Variants in SGIP1 observed in about 807,000 individuals in gnomAD.
SGIP1 encodes SH3GL interacting endocytic adaptor 1.
Under a neutral mutation model 107.5 loss-of-function variants are expected in SGIP1, and 38 were observed. The observed-to-expected ratio is 0.35, with a 90% confidence interval of 0.27 to 0.46. SGIP1 has a LOEUF of 0.46. Ranked by LOEUF, SGIP1 falls within the 20% of genes least tolerant of loss-of-function variation. The probability of loss-of-function intolerance (pLI) is 1.00; values close to 1 mark genes in which losing one functional copy is unlikely to be tolerated. For synonymous variants in SGIP1, 365 were observed against 366.1 expected (o/e 1.00, Z 0.03); for missense variants, 929 against 1,019.5 (o/e 0.91, Z 1.21).
At chr1:66,726,194 G>T (rs1481024336) in intron 19 of SGIP1, among the ~76,000 whole-genome samples, 1 of 152,192 alleles carries the variant, frequency 6.6e-6, no homozygotes, top group Non-Finnish European at 1.5e-5. Context: ...AAGCAGGCTG[G>T]AAGGGTGAAG....
intron 2 of SGIP1, 68 bp from the exon 3 acceptor site, chr1:66,633,002 T>C: frequency 2.0e-6 from 2 of 992,388 alleles, no homozygotes; most frequent in East Asian, 2.4e-5. Context: ...GTTCTTACTG[T>C]TGTACTTTAG....
chr1:66,723,826 G>T (rs2093643965), intron 19 of SGIP1, among the ~76,000 whole-genome samples: 1 of 152,136 alleles, frequency 6.6e-6, no homozygotes, highest in Non-Finnish European at 1.5e-5. Context: ...CCCAGAACTT[G>T]TCTTCACAAT....
At chr1:66,656,791 C>T (rs749976273) in intron 7 of SGIP1, among the ~76,000 whole-genome samples, 10 of 152,046 alleles carry the variant, frequency 6.6e-5, no homozygotes, top group South Asian at 4.1e-4. Context: ...ATGAATAATC[C>T]TTTTGCTCCT....
At chr1:66,533,533 A>ATAAT (rs140788553), upstream of SGIP1, 23,076 of 151,910 alleles carry the variant, frequency 0.15, 1,926 homozygotes, top group East Asian at 0.34. Flanking sequence ...CCTTTTGGGG[A>ATAAT]TGTTTATGAT....
intron 7 of SGIP1, among the ~76,000 whole-genome samples, chr1:66,649,667 T>C (rs1485235259): frequency 6.6e-6 from 1 of 152,150 alleles, no homozygotes; most frequent in East Asian, 1.9e-4. Context: ...AAAATAATTT[T>C]TGAAGGAGGC....
At chr1:66,646,651 G>A (rs1429286812) in intron 7 of SGIP1, among the ~76,000 whole-genome samples, 1 of 152,130 alleles carries the variant, frequency 6.6e-6, no homozygotes, top group East Asian at 1.9e-4. Context: ...GAAATGAAAT[G>A]GGAGGAATGA....
chr1:66,594,990 T>A (rs1026315481), intron 1 of SGIP1, among the ~76,000 whole-genome samples: 2 of 152,178 alleles, frequency 1.3e-5, no homozygotes, highest in African/African-American at 4.8e-5. Flanking sequence ...GGAGTCAGAC[T>A]AAAATGGAAT....
intron 1 of SGIP1, among the ~76,000 whole-genome samples, chr1:66,611,890 G>A (rs927010393): frequency 6.6e-6 from 1 of 152,204 alleles, no homozygotes; most frequent in African/African-American, 2.4e-5. Flanking sequence ...CATGCCTCAT[G>A]TGAACACTAG....
At chr1:66,632,317 A>C (rs748740758) in intron 2 of SGIP1, among the ~76,000 whole-genome samples, 1 of 152,212 alleles carries the variant, frequency 6.6e-6, no homozygotes, top group Non-Finnish European at 1.5e-5. Context: ...TAGTCATCAG[A>C]AGGAGGCATT....
chr1:66,556,066 T>C (rs1019468377), intron 1 of SGIP1, among the ~76,000 whole-genome samples: 8 of 152,050 alleles, frequency 5.3e-5, no homozygotes, highest in Non-Finnish European at 8.8e-5. Flanking sequence ...CTCACCAGAG[T>C]AATGCCAAGA....
intron 1 of SGIP1, among the ~76,000 whole-genome samples, chr1:66,613,343 T>A (rs2068448165): frequency 6.6e-6 from 1 of 152,182 alleles, no homozygotes; most frequent in Non-Finnish European, 1.5e-5. Context: ...TTTTGTTTTG[T>A]TTCTGAGTCA....
intron 1 of SGIP1, among the ~76,000 whole-genome samples, chr1:66,558,894 C>A (rs2058553581): frequency 6.6e-6 from 1 of 151,654 alleles, no homozygotes; most frequent in Non-Finnish European, 1.5e-5. Flanking sequence ...TCCTACCATG[C>A]AGGAGTTGTG....
intron 1 of SGIP1, among the ~76,000 whole-genome samples, chr1:66,555,955 C>A (rs924172304): frequency 6.6e-6 from 1 of 152,070 alleles, no homozygotes; most frequent in African/African-American, 2.4e-5. Context: ...ATGGTTAAGC[C>A]AGGATTTGAA....
chr1:66,656,580 C>T (rs560288024), intron 7 of SGIP1, among the ~76,000 whole-genome samples: 18 of 152,298 alleles, frequency 1.2e-4, no homozygotes, highest in Non-Finnish European at 2.4e-4. Context: ...GGACCACCAT[C>T]GTATACGCAG....
In SGIP1 at chr1:66,732,752, G is replaced by A. The variant is rs60766770; in HGVS notation, c.1899-996G>A. ...ATTTTCTCTCTTTTTTTTTTAACAA[G>A]TTTGCTCATCTTTAAAAACAAAGAC... is the stretch of plus-strand genomic sequence containing the variant. On this transcript the variant is annotated intron_variant, in intron 20 of 24. Transcript: ENST00000371037. Among the ~76,000 whole-genome samples, 551 of 150,672 alleles carry A rather than the reference G, an allele frequency of 3.7e-3. 5 individuals carry two copies. Among genetic ancestry groups the A allele is most frequent in the African/African-American group, 0.012 (510 of 40,958 alleles).
At chr1:66,739,656 G>A in intron 22 of SGIP1, 119 bp downstream of exon 22, 2 of 982,196 alleles carry the variant, frequency 2.0e-6, no homozygotes, top group South Asian at 3.2e-5. Flanking sequence ...TTAGGGTTCA[G>A]GGCAGGAAAT....
At chr1:66,560,352 A>G (rs1028120991) in intron 1 of SGIP1, among the ~76,000 whole-genome samples, 3 of 151,946 alleles carry the variant, frequency 2.0e-5, no homozygotes, top group Admixed American at 2.0e-4. Flanking sequence ...TTAGTTCCGC[A>G]CTCTATCCTT....
intron 8 of SGIP1, among the ~76,000 whole-genome samples, chr1:66,662,177 T>A (rs1412686758): frequency 6.6e-6 from 1 of 152,228 alleles, no homozygotes; most frequent in Admixed American, 6.5e-5. Context: ...CGTAGGAATC[T>A]TAGTAATAAA....
intron 1 of SGIP1, among the ~76,000 whole-genome samples, chr1:66,542,154 A>G (rs1391469093): frequency 6.6e-6 from 1 of 152,036 alleles, no homozygotes; most frequent in East Asian, 1.9e-4. Flanking sequence ...AATTATATAT[A>G]TACCTTCATA....
Sources: gnomAD v4.1 joint callset for allele counts (sites outside exome capture counted in the v4.1 genomes callset) on GRCh38, gnomAD v4.1.1 for gene constraint, MANE v1.5 for transcripts, NCBI Gene and HGNC (gene_info 2026-07-23, HGNC 2026-07-21) for gene names.